The following GNG12 variants were observed in gnomAD, a reference collection of about 807,000 sequenced individuals.
GNG12 encodes the protein G protein subunit gamma 12.
For missense variants in GNG12, 69 were observed against 83.8 expected (o/e 0.82, Z 0.69); for synonymous variants, 28 against 29.7 (o/e 0.94, Z 0.19).
In GNG12 at chr1:67,766,148, A is replaced by ACC. The variant is rs1553157564; in HGVS notation, c.-27+11308_-27+11309dup. 4.8e-3 allele frequency among the ~76,000 whole-genome samples: 642 copies of ACC among 133,732 alleles called. 6 individuals carry two copies. The highest frequency in any genetic ancestry group is 0.014 in the African/African-American group (466 of 32,224). 87.7% of individuals were successfully genotyped at this position (133,732 alleles called of 152,430 possible). On this transcript the variant is annotated intron_variant, in intron 2 of 3. Coordinates refer to ENST00000370982, the MANE Select transcript of GNG12 (RefSeq NM_018841.6). ...CACACACACACACACACACACACAC[A>ACC]CCCCTAAACAATGCCCTCATAGACA...
chr1:67,736,179 T>C (rs1646451347), intron 2 of GNG12, among the ~76,000 whole-genome samples: 1 of 152,154 alleles, frequency 6.6e-6, no homozygotes, highest in Non-Finnish European at 1.5e-5. Flanking sequence ...ACTAGGAGTC[T>C]GTTCATTAGG....
At chr1:67,715,425 T>C (rs1191317508) in intron 2 of GNG12, among the ~76,000 whole-genome samples, 3 of 152,182 alleles carry the variant, frequency 2.0e-5, no homozygotes, top group Non-Finnish European at 4.4e-5. Context: ...TGACACAGTC[T>C]CTGTCAATTC....
rs1006894433 is a variant in GNG12, at chr1:67,702,770, A to G, written c.*2681T>C. On this transcript the variant is annotated 3_prime_UTR_variant, in exon 4 of 4. Coordinates refer to ENST00000370982, the MANE Select transcript of GNG12 (RefSeq NM_018841.6). The stretch of plus-strand genomic sequence containing the variant: ...AGATTTATGATGAACTAATGAAGAT[A>G]TAAGAATGAAAAAAAGAAAGAGATC... 1.3e-5 allele frequency: 2 copies of G among 152,190 alleles called. No homozygotes were observed. Among genetic ancestry groups the G allele is most frequent in the African/African-American group, 4.8e-5 (2 of 41,444 alleles). 9.4% of individuals were successfully genotyped at this position (152,190 alleles called of 1,614,324 possible). A position where few individuals can be genotyped will look rare whatever the true frequency, so the allele number is the denominator to read the frequency against.
intron 1 of GNG12, among the ~76,000 whole-genome samples, chr1:67,793,589 T>C (rs1214532690): frequency 6.6e-6 from 1 of 152,130 alleles, no homozygotes; most frequent in Non-Finnish European, 1.5e-5. Context: ...GCTTGTGCAG[T>C]TTAACTCTGG....
At chr1:67,781,670 C>T (rs1445561902) in intron 1 of GNG12, among the ~76,000 whole-genome samples, 1 of 151,838 alleles carries the variant, frequency 6.6e-6, no homozygotes, top group African/African-American at 2.4e-5. Flanking sequence ...AAGTATGAGG[C>T]CATTTGATTG....
intron 1 of GNG12, among the ~76,000 whole-genome samples, chr1:67,799,832 T>C (rs1646853967): frequency 6.6e-6 from 1 of 152,242 alleles, no homozygotes; most frequent in Non-Finnish European, 1.5e-5. Flanking sequence ...TTTACAGTTT[T>C]GTAAATCTCT....
chr1:67,711,520 T>C (rs143450730), intron 2 of GNG12, among the ~76,000 whole-genome samples: 1 of 152,186 alleles, frequency 6.6e-6, no homozygotes, highest in East Asian at 1.9e-4. Context: ...GGTTTTCTCA[T>C]GCACACAGAA....
At chr1:67,817,004 C>T (rs980631682) in intron 1 of GNG12, among the ~76,000 whole-genome samples, 1 of 152,196 alleles carries the variant, frequency 6.6e-6, no homozygotes. Flanking sequence ...TGATACAATA[C>T]AACTTCTCTA....
rs536831652 is a variant in GNG12, at chr1:67,827,640, T to C, written c.-77+5704A>G. Among the ~76,000 whole-genome samples, 752 of 152,180 alleles carry C rather than the reference T, an allele frequency of 4.9e-3. 5 individuals carry two copies. The highest frequency in any genetic ancestry group is 0.011 in the Admixed American group (167 of 15,290). On this transcript the variant is annotated intron_variant, in intron 1 of 3. Coordinates refer to ENST00000370982, the MANE Select transcript of GNG12 (RefSeq NM_018841.6). Reference sequence around the variant, plus strand: ...CGGGGTTTCATCATGTTAGCCAGGATGGTCTCGCTCTCCTGACCTTGTGAT... The same window carrying C: ...CGGGGTTTCATCATGTTAGCCAGGACGGTCTCGCTCTCCTGACCTTGTGAT...
At chr1:67,801,392 G>A (rs187568909) in intron 1 of GNG12, among the ~76,000 whole-genome samples, 1 of 152,282 alleles carries the variant, frequency 6.6e-6, no homozygotes, top group African/African-American at 2.4e-5. Flanking sequence ...ACATAGCTAG[G>A]AAGTGGTGGC....
chr1:67,751,224 C>T (rs1287534461), intron 2 of GNG12, among the ~76,000 whole-genome samples: 1 of 151,344 alleles, frequency 6.6e-6, no homozygotes, highest in Non-Finnish European at 1.5e-5. Context: ...TGCATATACA[C>T]ACACGTTTTA....
intron 1 of GNG12, among the ~76,000 whole-genome samples, chr1:67,824,200 G>C (rs143742440): frequency 6.6e-5 from 10 of 152,240 alleles, no homozygotes; most frequent in Non-Finnish European, 1.0e-4. Flanking sequence ...TTTGATTTTT[G>C]TGAATTTGCT....
chr1:67,810,869 G>A (rs1043912059), intron 1 of GNG12, among the ~76,000 whole-genome samples: 2 of 152,086 alleles, frequency 1.3e-5, no homozygotes, highest in South Asian at 2.1e-4. Flanking sequence ...ACATGGGGAC[G>A]GAAATACTCT....
chr1:67,721,129 G>A (rs530569154), intron 2 of GNG12, among the ~76,000 whole-genome samples: 6 of 152,236 alleles, frequency 3.9e-5, no homozygotes, highest in African/African-American at 1.4e-4. Context: ...AATGATCAGG[G>A]AAGCAGAAGA....
intron 2 of GNG12, among the ~76,000 whole-genome samples, chr1:67,711,659 C>A (rs1267158669): frequency 6.6e-6 from 1 of 152,082 alleles, no homozygotes; most frequent in Non-Finnish European, 1.5e-5. Context: ...GATAAGATTT[C>A]TGGGAGAATA....
intron 2 of GNG12, among the ~76,000 whole-genome samples, chr1:67,719,660 G>C (rs1287073852): frequency 6.6e-6 from 1 of 152,168 alleles, no homozygotes; most frequent in Non-Finnish European, 1.5e-5. Context: ...CAGCTACTGT[G>C]TCAAGTACTC....
At chr1:67,768,608 C>T (rs563909465) in intron 2 of GNG12, among the ~76,000 whole-genome samples, 1 of 152,296 alleles carries the variant, frequency 6.6e-6, no homozygotes, top group East Asian at 1.9e-4. Context: ...TGGCTAAGTT[C>T]ACTATGTGCA....
At chr1:67,806,963 C>T (rs1646897348) in intron 1 of GNG12, among the ~76,000 whole-genome samples, 2 of 151,976 alleles carry the variant, frequency 1.3e-5, no homozygotes, top group African/African-American at 4.8e-5. Flanking sequence ...ACTACTTCAT[C>T]CAACAACAAC....
At chr1:67,715,581 G>A (rs1441062373) in intron 2 of GNG12, among the ~76,000 whole-genome samples, 1 of 152,158 alleles carries the variant, frequency 6.6e-6, no homozygotes, top group Non-Finnish European at 1.5e-5. Context: ...AGCAACACAG[G>A]ACTGAGAAGC....
Sources: gnomAD v4.1 joint callset for allele counts (sites outside exome capture counted in the v4.1 genomes callset) on GRCh38, gnomAD v4.1.1 for gene constraint, MANE v1.5 for transcripts, NCBI Gene and HGNC (gene_info 2026-07-23, HGNC 2026-07-21) for gene names.